The following TESK2 variants were observed in gnomAD, a reference collection of about 807,000 sequenced individuals.
TESK2 encodes dual specificity testis-specific protein kinase 2.
A neutral mutation model predicts 57.1 loss-of-function variants in TESK2; 39 were observed. The observed-to-expected ratio is 0.68, with a 90% CI of 0.53 to 0.89. The LOEUF (loss-of-function observed/expected upper bound fraction) is 0.89, where lower values mean the gene tolerates loss of function less well. TESK2 is among the 40% of genes least tolerant of loss of function. The pLI, the probability that TESK2 is intolerant of heterozygous loss-of-function variation, is 0.00. For missense variants in TESK2, 646 were observed against 732.1 expected, an observed-to-expected ratio of 0.88 and a Z score of 1.36; for synonymous variants, 249 against 267.9, an observed-to-expected ratio of 0.93 and a Z score of 0.69.
chr1:45,448,253 AAAG>A (rs1452995742), intron 2 of TESK2, among the ~76,000 whole-genome samples: 11 of 149,800 alleles, frequency 7.3e-5, no homozygotes, highest in Non-Finnish European at 1.5e-4. Context: ...AAAAAAAAAA[AAAG>A]AAAAAAGAAA....
At chr1:45,468,112 G>C (rs1453148646) in intron 1 of TESK2, among the ~76,000 whole-genome samples, 2 of 151,518 alleles carry the variant, frequency 1.3e-5, no homozygotes, top group Non-Finnish European at 2.9e-5. Flanking sequence ...GGAGGTCAAA[G>C]CTGCAGTGAG....
At position 45,392,897 on chromosome 1, in the gene TESK2, C is replaced by T. The variant is rs553991431; in HGVS notation, c.345-6937G>A. Among the ~76,000 whole-genome samples, 6 of 152,190 alleles carry T rather than the reference C, an allele frequency of 3.9e-5. No homozygotes were observed. In the East Asian group the frequency reaches 1.2e-3, roughly 29 times the overall value. Reference sequence around the variant, plus strand: ...ATTTGTTTCTATATACAATGTCTCACACAAAATGTTTCGTACACAAGTTGC... The same window carrying T: ...ATTTGTTTCTATATACAATGTCTCATACAAAATGTTTCGTACACAAGTTGC... On this transcript the variant is annotated intron_variant, in intron 3 of 10. Transcript: ENST00000372086.
At chr1:45,384,357 A>G (rs1295397076) in intron 4 of TESK2, among the ~76,000 whole-genome samples, 1 of 148,180 alleles carries the variant, frequency 6.7e-6, no homozygotes, top group Non-Finnish European at 1.5e-5. Flanking sequence ...GTATGTATGT[A>G]CGTACGTATC....
At position 45,359,605 on chromosome 1, in the gene TESK2, T is replaced by C. The variant is rs146059412; in HGVS notation, c.394-4156A>G. Among the ~76,000 whole-genome samples, 26 of 151,134 alleles carry C rather than the reference T, an allele frequency of 1.7e-4. No individual in the cohort carries two copies. In the East Asian group the frequency reaches 4.1e-3, roughly 24 times the overall value. On this transcript the variant is annotated intron_variant, in intron 4 of 10. Coordinates refer to ENST00000372086, the MANE Select transcript of TESK2 (RefSeq NM_007170.3). The stretch of plus-strand genomic sequence containing the variant: ...TTGGCCAGGCGAGATGGCTCACACC[T>C]GTATTCCTAGCACTTTGGGAGGCCA...
At chr1:45,446,548 C>A (rs1398046821) in intron 2 of TESK2, among the ~76,000 whole-genome samples, 2 of 151,828 alleles carry the variant, frequency 1.3e-5, no homozygotes, top group African/African-American at 4.8e-5. Context: ...TTAGGAAAAA[C>A]TGAGATAAGA....
At chr1:45,361,288 T>G (rs1328135326) in intron 4 of TESK2, among the ~76,000 whole-genome samples, 1 of 152,250 alleles carries the variant, frequency 6.6e-6, no homozygotes, top group Non-Finnish European at 1.5e-5. Flanking sequence ...GGATAACAGC[T>G]GCTTTGCTTT....
chr1:45,346,601 GA>G, intron 9 of TESK2, 91 bp downstream of exon 9: 9 of 1,071,118 alleles, frequency 8.4e-6, no homozygotes, highest in Non-Finnish European at 1.1e-5. Context: ...GGTCCCTCAT[GA>G]AGCTAATTAG....
Position 45,433,144 on chromosome 1 carries a change from G to A in TESK2, c.223-11298C>T, listed in dbSNP as rs986493466. Reference sequence around the variant, plus strand: ...AGGCTGGTTGCAGTGGTGCAATCTCGGCTCACTGCAACCTCCACCTCCTGG... The same window carrying A: ...AGGCTGGTTGCAGTGGTGCAATCTCAGCTCACTGCAACCTCCACCTCCTGG... On this transcript the variant is annotated intron_variant, in intron 2 of 10. Transcript: ENST00000372086. Among the ~76,000 whole-genome samples, 148 of 129,282 alleles carry A rather than the reference G, an allele frequency of 1.1e-3. 2 individuals carry two copies. The highest frequency in any genetic ancestry group is 7.5e-4 in the Admixed American group (8 of 10,708). The allele number at this position is 129,282 out of a possible 152,430, so 84.8% of individuals were successfully genotyped here. A position where few individuals can be genotyped will look rare whatever the true frequency, so the allele number is the denominator to read the frequency against.
rs1225132704 is a variant in TESK2, at chr1:45,415,398, G to A, written c.344+6327C>T. The stretch of plus-strand genomic sequence containing the variant: ...ACCAGACCATTCCTTCTGTGGCTCA[G>A]GAGAGCACTCCTCCACCCCATTTGC... On this transcript the variant is annotated intron_variant, in intron 3 of 10. Transcript: ENST00000372086. 4.9e-6 allele frequency: 4 copies of A among 809,648 alleles called. No individual in the cohort carries two copies. In the East Asian group the frequency reaches 1.0e-4, roughly 20 times the overall value. The allele number at this position is 809,648 out of a possible 1,614,324, so 50.2% of individuals were successfully genotyped here. A position where few individuals can be genotyped will look rare whatever the true frequency, so the allele number is the denominator to read the frequency against.
chr1:45,361,530 C>A (rs1647685216), intron 4 of TESK2, among the ~76,000 whole-genome samples: 1 of 152,138 alleles, frequency 6.6e-6, no homozygotes, highest in African/African-American at 2.4e-5. Flanking sequence ...GCCTCACTTC[C>A]TCACGGTCTA....
At chr1:45,347,825 G>T in intron 6 of TESK2, 93 bp downstream of exon 6, 1 of 1,434,718 alleles carries the variant, frequency 7.0e-7, no homozygotes, top group South Asian at 1.1e-5. Context: ...GTTGAGCTGT[G>T]ACCAAGTCCT....
At chr1:45,404,698 C>T (rs898523680) in intron 3 of TESK2, among the ~76,000 whole-genome samples, 1 of 151,924 alleles carries the variant, frequency 6.6e-6, no homozygotes, top group Non-Finnish European at 1.5e-5. Context: ...CATGCGCCAC[C>T]ACGCCGGGCT....
chr1:45,421,762 G>A lies in TESK2; in HGVS notation c.307C>T (p.Gln103Ter), dbSNP rs200935796. The A allele has an allele frequency of 4.3e-6, 7 of 1,613,944 alleles. No individual in the cohort carries two copies. Among genetic ancestry groups the A allele is most frequent in the Non-Finnish European group, 5.9e-6 (7 of 1,180,008 alleles). Residue 103 changes from glutamine (Q) to a stop codon, truncating the protein, a stop_gained, in exon 3 of 11, where the codon CAG becomes TAG. Coordinates refer to ENST00000372086, the MANE Select transcript of TESK2 (RefSeq NM_007170.3). LOFTEE classifies it high-confidence loss of function. ...GGATGGGAGAGTCTATTCATGAGCTGTACTTCTTTCAGCATGTTTGCCCGG... is the reference window on the plus strand; with the variant it reads ...GGATGGGAGAGTCTATTCATGAGCTATACTTCTTTCAGCATGTTTGCCCGG... ...SNRANMLKEV[Q>*]LMNRLSHPNI...
intron 3 of TESK2, among the ~76,000 whole-genome samples, chr1:45,402,946 CA>C (rs1482513950): frequency 6.6e-6 from 1 of 151,394 alleles, no homozygotes; most frequent in Non-Finnish European, 1.5e-5. Flanking sequence ...ACAAAGATAC[CA>C]TCATTTCTTG....
chr1:45,405,783 A>G (rs983359227), intron 3 of TESK2, among the ~76,000 whole-genome samples: 1 of 151,730 alleles, frequency 6.6e-6, no homozygotes, highest in African/African-American at 2.4e-5. Flanking sequence ...AGGTGGGAGG[A>G]TGATTTTAGC....
chr1:45,386,422 A>G (rs1208850734), intron 3 of TESK2, among the ~76,000 whole-genome samples: 1 of 150,992 alleles, frequency 6.6e-6, no homozygotes, highest in Non-Finnish European at 1.5e-5. Flanking sequence ...AGGAAGGGAA[A>G]GGGAAAGGCA....
intron 4 of TESK2, among the ~76,000 whole-genome samples, chr1:45,365,580 C>T (rs1478784344): frequency 1.3e-5 from 2 of 151,910 alleles, no homozygotes; most frequent in Non-Finnish European, 2.9e-5. Context: ...ATGGCATGAT[C>T]TCAGCTCGTT....
intron 2 of TESK2, among the ~76,000 whole-genome samples, chr1:45,447,107 C>T (rs1261078450): frequency 2.0e-5 from 3 of 152,126 alleles, no homozygotes; most frequent in Non-Finnish European, 4.4e-5. Context: ...GTCCCAGATA[C>T]TCAGGAGGCT....
intron 3 of TESK2, among the ~76,000 whole-genome samples, chr1:45,397,996 C>T (rs1021692595): frequency 1.9e-4 from 29 of 152,164 alleles, no homozygotes; most frequent in African/African-American, 7.0e-4. Flanking sequence ...CAGCCTTGAA[C>T]TCATGGGCTC....
Sources: gnomAD v4.1 joint callset for allele counts (sites outside exome capture counted in the v4.1 genomes callset) on GRCh38, gnomAD v4.1.1 for gene constraint, MANE v1.5 for transcripts, NCBI Gene and HGNC (gene_info 2026-07-23, HGNC 2026-07-21) for gene names.